Variants in TFPI observed in about 807,000 individuals in gnomAD.
The protein encoded by TFPI is tissue factor pathway inhibitor.
A neutral mutation model predicts 34.6 loss-of-function variants in TFPI; 15 were observed. The ratio of observed to expected loss-of-function variants is 0.43; its 90% CI spans 0.29 to 0.67. The LOEUF is 0.67. Ranked by LOEUF, TFPI falls within the 30% of genes least tolerant of loss-of-function variation. The pLI is 0.15. For synonymous variants in TFPI, 105 were observed against 120.1 expected (o/e 0.87, Z 0.82); for missense variants, 301 against 364.0 (o/e 0.83, Z 1.41).
chr2:187,544,552 G>A (rs1688752776), intron 1 of TFPI: 1 of 151,262 alleles, frequency 6.6e-6, no homozygotes, highest in African/African-American at 2.4e-5. Flanking sequence ...TAAAAGACTG[G>A]CTAGCTTGAG....
Position 187,465,777 on chromosome 2 carries a change from GT to G in TFPI, c.*1158del, listed in dbSNP as rs1213925487. The G allele has an allele frequency of 6.6e-6, 1 of 152,086 alleles. No individual in the cohort carries two copies. The highest frequency in any genetic ancestry group is 1.9e-4 in the East Asian group (1 of 5,186). 9.4% of individuals were successfully genotyped at this position (152,086 alleles called of 1,614,324 possible). A position where few individuals can be genotyped will look rare whatever the true frequency, so the allele number is the denominator to read the frequency against. On this transcript the variant is annotated 3_prime_UTR_variant, in exon 8 of 8. Coordinates refer to ENST00000233156, the MANE Select transcript of TFPI (RefSeq NM_006287.6). ...GTCATACCAAATGAATGAAATGGTT[GT>G]TTCTAAATCAGTTCCAATTCCAGTG...
At chr2:187,480,405 C>CA (rs1325900005) in intron 6 of TFPI, among the ~76,000 whole-genome samples, 1 of 152,114 alleles carries the variant, frequency 6.6e-6, no homozygotes. Context: ...CCTCACAACA[C>CA]AACCTATCAA....
intron 1 of TFPI, among the ~76,000 whole-genome samples, chr2:187,525,870 A>G (rs997957134): frequency 6.6e-6 from 1 of 152,118 alleles, no homozygotes; most frequent in Admixed American, 6.6e-5. Context: ...TTGTTATGGC[A>G]GCCCTAGCCA....
chr2:187,507,571 T>C (rs1686313193), intron 1 of TFPI, among the ~76,000 whole-genome samples: 2 of 152,204 alleles, frequency 1.3e-5, no homozygotes, highest in East Asian at 3.8e-4. Context: ...CCAGTGATGA[T>C]GGGCTTTTTT....
intron 1 of TFPI, among the ~76,000 whole-genome samples, chr2:187,526,292 G>C (rs568740359): frequency 6.6e-6 from 1 of 152,238 alleles, no homozygotes; most frequent in East Asian, 1.9e-4. Flanking sequence ...GCTTAGATTT[G>C]AAAGACTACA....
At chr2:187,539,948 G>T (rs1367907266) in intron 1 of TFPI, among the ~76,000 whole-genome samples, 2 of 150,420 alleles carry the variant, frequency 1.3e-5, no homozygotes, top group East Asian at 3.9e-4. Flanking sequence ...CACCAGGCTG[G>T]AGTGCAGTGG....
chr2:187,541,128 C>T (rs1384613458), intron 1 of TFPI, among the ~76,000 whole-genome samples: 2 of 151,992 alleles, frequency 1.3e-5, no homozygotes, highest in Admixed American at 1.3e-4. Context: ...AACTGTAAGA[C>T]ATAAAACTAA....
At chr2:187,532,606 G>A (rs1434625955) in intron 1 of TFPI, among the ~76,000 whole-genome samples, 2 of 152,184 alleles carry the variant, frequency 1.3e-5, no homozygotes, top group Non-Finnish European at 1.5e-5. Context: ...ATTCCATCGC[G>A]TGCTTACGCC....
At chr2:187,489,641 G>A (rs1336177925) in intron 3 of TFPI, among the ~76,000 whole-genome samples, 1 of 151,582 alleles carries the variant, frequency 6.6e-6, no homozygotes, top group South Asian at 2.1e-4. Context: ...ATTGACAATA[G>A]TCATAAGATG....
chr2:187,487,874 C>A (rs1294095806), intron 4 of TFPI, among the ~76,000 whole-genome samples: 1 of 151,440 alleles, frequency 6.6e-6, no homozygotes, highest in Admixed American at 6.6e-5. Flanking sequence ...GTGAAACTTG[C>A]TAAAGCCACA....
intron 6 of TFPI, among the ~76,000 whole-genome samples, chr2:187,473,299 G>T (rs1692170251): frequency 6.6e-6 from 1 of 152,064 alleles, no homozygotes; most frequent in African/African-American, 2.4e-5. Context: ...GGAGCTTAGA[G>T]ATTTGCTAGG....
chr2:187,475,436 AATGT>A (rs1178090378), intron 6 of TFPI, among the ~76,000 whole-genome samples: 1 of 152,204 alleles, frequency 6.6e-6, no homozygotes, highest in Non-Finnish European at 1.5e-5. Context: ...TCAATAACAA[AATGT>A]ATACAAATAG....
chr2:187,491,839 T>A (rs8176485), intron 3 of TFPI, among the ~76,000 whole-genome samples: 1 of 152,106 alleles, frequency 6.6e-6, no homozygotes, highest in African/African-American at 2.4e-5. Context: ...TAAGCATTCT[T>A]TTTTCTCCTA....
intron 6 of TFPI, among the ~76,000 whole-genome samples, chr2:187,481,538 G>T (rs2105999010): frequency 6.6e-6 from 1 of 151,268 alleles, no homozygotes; most frequent in African/African-American, 2.4e-5. Context: ...GTTTTAAGAA[G>T]AATGGCAACA....
chr2:187,512,433 C>A lies in TFPI; in HGVS notation c.-2-8663G>T, dbSNP rs149888408. Among the ~76,000 whole-genome samples the A allele has an allele frequency of 2.1e-3, 323 of 151,500 alleles. 3 individuals carry two copies. In the East Asian group the frequency reaches 0.04, roughly 19 times the overall value. The stretch of plus-strand genomic sequence containing the variant: ...AGGTTTCCTAACAGGGGATTTAAAT[C>A]TTAATTACTATACAAAGGTTCAACC... On this transcript the variant is annotated intron_variant, in intron 1 of 7. Transcript: ENST00000233156.
At chr2:187,534,592 T>C (rs1194393809) in intron 1 of TFPI, among the ~76,000 whole-genome samples, 2 of 151,884 alleles carry the variant, frequency 1.3e-5, no homozygotes, top group Admixed American at 1.3e-4. Context: ...AAAGAAACAA[T>C]CGGTACCAGC....
intron 3 of TFPI, among the ~76,000 whole-genome samples, chr2:187,496,062 A>C (rs1234501855): frequency 6.6e-6 from 1 of 152,166 alleles, no homozygotes; most frequent in African/African-American, 2.4e-5. Context: ...AGTAGGATTA[A>C]TGCAGAGTAA....
At chr2:187,487,968 G>A (rs1042285263) in intron 4 of TFPI, among the ~76,000 whole-genome samples, 2 of 151,330 alleles carry the variant, frequency 1.3e-5, no homozygotes, top group Non-Finnish European at 3.0e-5. Flanking sequence ...TCTGGAAGGT[G>A]TTAAAATAGC....
rs796162193 is a variant in TFPI at position 187,511,950 on chromosome 2, G to GA, written c.-2-8181dup. ...GAGAGAGAGATATACAAGTAGTTAA[G>GA]AAAAAAAACAGTGTACCCTATTCCT... On this transcript the variant is annotated intron_variant, in intron 1 of 7. Coordinates refer to ENST00000233156, the MANE Select transcript of TFPI (RefSeq NM_006287.6). 1.8e-3 allele frequency among the ~76,000 whole-genome samples: 272 copies of GA among 151,060 alleles called. 3 individuals are homozygous for GA. Among genetic ancestry groups the GA allele is most frequent in the African/African-American group, 6.2e-3 (256 of 41,222 alleles).
Sources: allele counts gnomAD v4.1 joint callset (sites outside exome capture counted in the v4.1 genomes callset), GRCh38; gene constraint gnomAD v4.1.1; transcripts MANE v1.5; gene names NCBI Gene and HGNC (gene_info 2026-07-23, HGNC 2026-07-21).